PTPRK: variants seen among roughly 807,000 people sequenced by gnomAD.
PTPRK encodes the protein receptor-type tyrosine-protein phosphatase kappa.
A neutral mutation model predicts 178.0 loss-of-function variants in PTPRK; 75 were observed. The observed-to-expected ratio is 0.42, with a 90% confidence interval of 0.35 to 0.51. The LOEUF (loss-of-function observed/expected upper bound fraction) is 0.51. PTPRK is among the 20% of genes least tolerant of loss of function. PTPRK has a pLI of 0.02. For synonymous variants in PTPRK, 637 were observed against 620.6 expected, an observed-to-expected ratio of 1.03 and a Z score of -0.39; for missense variants, 1,441 against 1,797.8, an observed-to-expected ratio of 0.80 and a Z score of 3.59.
intron 5 of PTPRK, among the ~76,000 whole-genome samples, chr6:128,236,408 G>A: frequency 6.8e-6 from 1 of 148,140 alleles, no homozygotes; most frequent in Non-Finnish European, 1.5e-5. Flanking sequence ...GAGTGCAGTG[G>A]CATGATCTCA....
chr6:127,973,879 AAAAAGT>A lies in PTPRK; in HGVS notation c.3970-58_3970-53del, dbSNP rs773681577. 6 of 1,541,636 alleles carry A rather than the reference AAAAAGT, an allele frequency of 3.9e-6. No individual in the cohort carries two copies. The East Asian group carries it at 1.4e-4, about 35-fold the overall frequency. On this transcript the variant is annotated intron_variant, in intron 27 of 29. Coordinates refer to ENST00000368226, the MANE Select transcript of PTPRK (RefSeq NM_002844.4). ...ATACGCTGGGACTACAATTTTTACT[AAAAAGT>A]AAAAGGTGCATATAATTTACAATAC... is the stretch of plus-strand genomic sequence containing the variant.
At chr6:128,072,330 C>T (rs1161214659) in intron 11 of PTPRK, among the ~76,000 whole-genome samples, 1 of 151,902 alleles carries the variant, frequency 6.6e-6, no homozygotes, top group East Asian at 1.9e-4. Flanking sequence ...AAACCCATTA[C>T]AAGTTGAAAA....
At chr6:128,393,530 C>T (rs1439307607) in intron 2 of PTPRK, among the ~76,000 whole-genome samples, 1 of 152,112 alleles carries the variant, frequency 6.6e-6, no homozygotes, top group Non-Finnish European at 1.5e-5. Flanking sequence ...TCAAGCCAGT[C>T]AGGAAAATCT....
intron 3 of PTPRK, among the ~76,000 whole-genome samples, chr6:128,305,500 C>T (rs1826243060): frequency 6.6e-6 from 1 of 152,086 alleles, no homozygotes; most frequent in South Asian, 2.1e-4. Flanking sequence ...GGTAGCATTA[C>T]TTTTCTCTGG....
chr6:128,071,140 C>A (rs1782752822), intron 11 of PTPRK, among the ~76,000 whole-genome samples: 1 of 150,862 alleles, frequency 6.6e-6, no homozygotes, highest in Admixed American at 6.6e-5. Flanking sequence ...ACCTGCCTTT[C>A]ACGGACCTTA....
At chr6:128,147,997 C>A (rs908840643) in intron 7 of PTPRK, among the ~76,000 whole-genome samples, 6 of 151,650 alleles carry the variant, frequency 4.0e-5, no homozygotes, top group South Asian at 4.1e-4. Context: ...GAAAAAAAAA[C>A]CACAGAAGAA....
At chr6:128,514,287 A>G (rs1857601739) in intron 1 of PTPRK, among the ~76,000 whole-genome samples, 1 of 152,140 alleles carries the variant, frequency 6.6e-6, no homozygotes, top group Admixed American at 6.5e-5. Context: ...AATGTTAAGT[A>G]TGGAGTTTTG....
intron 25 of PTPRK, among the ~76,000 whole-genome samples, chr6:127,978,423 C>T (rs1486649897): frequency 6.6e-6 from 1 of 152,182 alleles, no homozygotes; most frequent in Admixed American, 6.5e-5. Flanking sequence ...ACTCCTTCCC[C>T]TTCCTGCCAC....
At chr6:128,407,356 G>T (rs2128376120) in intron 1 of PTPRK, among the ~76,000 whole-genome samples, 1 of 152,166 alleles carries the variant, frequency 6.6e-6, no homozygotes. Context: ...GATGATTGGG[G>T]CCTGGCACAG....
chr6:128,450,999 C>A (rs1033081704), intron 1 of PTPRK, among the ~76,000 whole-genome samples: 5 of 151,980 alleles, frequency 3.3e-5, no homozygotes, highest in Non-Finnish European at 7.4e-5. Context: ...TCATGACCAA[C>A]GTTTAAAATG....
At position 128,067,738 on chromosome 6, in the gene PTPRK, G is replaced by T; in HGVS notation, c.1938C>A (p.Ala646=). The change falls in exon 12 of 30, where the codon GCC becomes GCA. Residue 646 remains alanine, a synonymous_variant. Transcript: ENST00000368226. ...ELHPHRTKRE[A]GAMECYQVPV... ...GAACCTGGTAGCATTCCATGGCTCC[G>T]GCTTCTCTCTTGGTTCGGTGTGGGT... is the stretch of plus-strand genomic sequence containing the variant. 2 of 1,613,114 alleles carry T rather than the reference G, an allele frequency of 1.2e-6. No homozygotes were observed. Among genetic ancestry groups the T allele is most frequent in the South Asian group, 2.2e-5 (2 of 90,974 alleles).
At chr6:128,213,763 T>A (rs1330515495) in intron 6 of PTPRK, among the ~76,000 whole-genome samples, 1 of 152,004 alleles carries the variant, frequency 6.6e-6, no homozygotes, top group Non-Finnish European at 1.5e-5. Flanking sequence ...ACCAAAAAAA[T>A]TCAGATTTAA....
At chr6:128,191,410 G>T (rs1422403043) in intron 6 of PTPRK, among the ~76,000 whole-genome samples, 1 of 152,040 alleles carries the variant, frequency 6.6e-6, no homozygotes, top group African/African-American at 2.4e-5. Context: ...GGCAGGGCAG[G>T]GGCAGGGCGG....
At chr6:128,053,363 C>G (rs1358615536) in intron 13 of PTPRK, among the ~76,000 whole-genome samples, 1 of 152,100 alleles carries the variant, frequency 6.6e-6, no homozygotes, top group Non-Finnish European at 1.5e-5. Flanking sequence ...GTTCACACAC[C>G]TAGACTGATA....
At chr6:128,391,628 T>C (rs905161644) in intron 2 of PTPRK, among the ~76,000 whole-genome samples, 2 of 152,144 alleles carry the variant, frequency 1.3e-5, no homozygotes. Flanking sequence ...TTTTTATTAA[T>C]CATCTATAAT....
chr6:128,421,303 G>A (rs1185460012), intron 1 of PTPRK, among the ~76,000 whole-genome samples: 1 of 152,154 alleles, frequency 6.6e-6, no homozygotes, highest in African/African-American at 2.4e-5. Context: ...AGTTTGGAAA[G>A]ATGGGAGCAA....
rs1393404048 is a variant in PTPRK at position 128,225,241 on chromosome 6, T to C, written c.694-6145A>G. Among the ~76,000 whole-genome samples, 4 of 152,304 alleles carry C rather than the reference T, an allele frequency of 2.6e-5. No homozygotes were observed. In the East Asian group the frequency reaches 5.8e-4, roughly 22 times the overall value. Reference sequence around the variant, plus strand: ...ATTGACTTTCATATATCATTGACTATCATATGTCATTGACATAATGATATA... The same window carrying C: ...ATTGACTTTCATATATCATTGACTACCATATGTCATTGACATAATGATATA... On this transcript the variant is annotated intron_variant, in intron 5 of 29. Transcript: ENST00000368226.
Position 128,005,185 on chromosome 6 carries a change from A to G in PTPRK, c.2393T>C (p.Met798Thr). The change falls in exon 15 of 30, where the codon ATG (methionine) becomes ACG (threonine). Residue 798 changes from methionine to threonine, a missense_variant. Met to Thr is a moderately conservative substitution (Grantham distance 81). This residue lies in a region of PTPRK where 945 missense variants were observed against 1,080.6 expected (regional missense o/e 0.87). Transcript: ENST00000368226. ...ATAACTTCGATCCATTGCATTCACC[A>G]TGTGAGTCATCTCCTGCCGGGTATT... ...MGNTRQEMTH[M>T]VNAMDRSYAD... The G allele has an allele frequency of 6.2e-7, 1 of 1,611,700 alleles. No individual in the cohort carries two copies. Among genetic ancestry groups the G allele is most frequent in the African/African-American group, 1.3e-5 (1 of 74,840 alleles).
intron 2 of PTPRK, among the ~76,000 whole-genome samples, chr6:128,376,574 T>G (rs1175891880): frequency 6.6e-6 from 1 of 152,214 alleles, no homozygotes; most frequent in Non-Finnish European, 1.5e-5. Flanking sequence ...CCCATTGTCT[T>G]GGTGATTAAC....
Sources: allele counts gnomAD v4.1 joint callset (sites outside exome capture counted in the v4.1 genomes callset), GRCh38; gene constraint gnomAD v4.1.1; regional missense constraint gnomAD v4.1.1; transcripts MANE v1.5; gene names NCBI Gene and HGNC (gene_info 2026-07-23, HGNC 2026-07-21).